NSD1: variants seen among roughly 807,000 people sequenced by gnomAD.
The protein encoded by NSD1 is nuclear receptor binding SET domain protein 1, also known as histone-lysine N-methyltransferase, H3 lysine-36 specific.
Under a neutral mutation model 242.7 loss-of-function variants are expected in NSD1, and 26 were observed. The observed-to-expected ratio is 0.11, with a 90% CI of 0.08 to 0.15. The LOEUF is 0.15. NSD1 is among the 10% of genes least tolerant of loss of function. The probability of loss-of-function intolerance (pLI) is 1.00; values close to 1 mark genes in which losing one functional copy is unlikely to be tolerated. For missense variants in NSD1, 2,495 were observed against 3,272.8 expected (o/e 0.76, Z 5.80); for synonymous variants, 1,106 against 1,178.1 (o/e 0.94, Z 1.25).
At chr5:177,254,602 G>A (rs886355748) in intron 12 of NSD1, among the ~76,000 whole-genome samples, 4 of 152,080 alleles carry the variant, frequency 2.6e-5, no homozygotes, top group African/African-American at 9.7e-5. Context: ...GTTTCACCAT[G>A]TTGGCCAGGC....
chr5:177,168,627 AT>A (rs1008810414), intron 2 of NSD1, among the ~76,000 whole-genome samples: 25 of 151,792 alleles, frequency 1.6e-4, no homozygotes, highest in African/African-American at 5.8e-4. Flanking sequence ...CGCCCAGCTC[AT>A]TTTTGTATTT....
intron 11 of NSD1, among the ~76,000 whole-genome samples, chr5:177,249,952 A>G (rs1035287583): frequency 5.3e-5 from 8 of 152,176 alleles, no homozygotes; most frequent in African/African-American, 1.9e-4. Context: ...CAGGCATGAC[A>G]GTTCGTGCCT....
intron 2 of NSD1, among the ~76,000 whole-genome samples, chr5:177,165,836 A>G (rs1159472180): frequency 2.6e-5 from 4 of 151,462 alleles, no homozygotes; most frequent in African/African-American, 9.7e-5. Flanking sequence ...GGCTCAAGCA[A>G]TCTTCTAGCC....
At chr5:177,140,896 T>C (rs1186995193) in intron 2 of NSD1, among the ~76,000 whole-genome samples, 2 of 152,156 alleles carry the variant, frequency 1.3e-5, no homozygotes, top group African/African-American at 4.8e-5. Context: ...GGTTCCTTCC[T>C]CTTCTCTACC....
In NSD1 at chr5:177,269,872, T is replaced by G; in HGVS notation, c.5509+65T>G. The G allele has an allele frequency of 7.1e-7, 1 of 1,401,074 alleles. No homozygotes were observed. The highest frequency in any genetic ancestry group is 9.9e-7 in the Non-Finnish European group (1 of 1,013,752). The allele number at this position is 1,401,074 out of a possible 1,614,324, so 86.8% of individuals were successfully genotyped here. On this transcript the variant is annotated intron_variant, in intron 16 of 22. Transcript: ENST00000439151. The surrounding 1 kb of genome is among the most constrained non-coding windows in gnomAD (Gnocchi z 5.1). The stretch of plus-strand genomic sequence containing the variant: ...TCTGTTACCTGAGTGTCTGATCTGT[T>G]TTAGAATTCACATATGCTCCATTTT...
chr5:177,134,984 A>G lies in NSD1; in HGVS notation c.-17-103A>G, dbSNP rs578134766. The G allele has an allele frequency of 1.0e-6, 1 of 989,782 alleles. No individual in the cohort carries two copies. Among genetic ancestry groups the G allele is most frequent in the African/African-American group, 1.6e-5 (1 of 62,158 alleles). The allele number at this position is 989,782 out of a possible 1,614,324, so 61.3% of individuals were successfully genotyped here. On this transcript the variant is annotated intron_variant, in intron 1 of 22. Transcript: ENST00000439151. This position sits in a 1 kb window ranked among gnomAD's most constrained non-coding sequence, Gnocchi z 4.2. ...CTTTTTCTGCCCATGGAAGTGCAGC[A>G]GAAAGGCATAGAGGCCACTAGGCCT...
At position 177,199,264 on chromosome 5, in the gene NSD1, A is replaced by AT. The variant is rs965995570; in HGVS notation, c.1064-4846dup. 1.0e-4 allele frequency among the ~76,000 whole-genome samples: 15 copies of AT among 149,392 alleles called. No homozygotes were observed. In the East Asian group the frequency reaches 1.4e-3, roughly 14 times the overall value. ...GTATTAAATGCATTTTCTAATTATT[A>AT]TTTTTTTTTTAGAGGCAGGGTCTTG... is the stretch of plus-strand genomic sequence containing the variant. On this transcript the variant is annotated intron_variant, in intron 3 of 22. Coordinates refer to ENST00000439151, the MANE Select transcript of NSD1 (RefSeq NM_022455.5).
At position 177,269,437 on chromosome 5, in the gene NSD1, C is replaced by T. The variant is rs1757782992; in HGVS notation, c.5304-165C>T. On this transcript the variant is annotated intron_variant, in intron 15 of 22. Coordinates refer to ENST00000439151, the MANE Select transcript of NSD1 (RefSeq NM_022455.5). The surrounding 1 kb of genome is among the most constrained non-coding windows in gnomAD (Gnocchi z 5.1). Reference sequence around the variant, plus strand: ...TGGGCAGATGTTTTCCAGCTTCTAGCACATACGACTTGTTTGTGTTCTAGT... The same window carrying T: ...TGGGCAGATGTTTTCCAGCTTCTAGTACATACGACTTGTTTGTGTTCTAGT... Among the ~76,000 whole-genome samples the T allele has an allele frequency of 6.6e-6, 1 of 152,172 alleles. No individual in the cohort carries two copies. Among genetic ancestry groups the T allele is most frequent in the African/African-American group, 2.4e-5 (1 of 41,438 alleles).
intron 2 of NSD1, among the ~76,000 whole-genome samples, chr5:177,159,183 C>T (rs532649608): frequency 1.3e-5 from 2 of 151,264 alleles, no homozygotes; most frequent in East Asian, 1.9e-4. Context: ...GCTGGGATTA[C>T]AGGCACTCGC....
chr5:177,193,724 A>G (rs1761882205), intron 3 of NSD1, among the ~76,000 whole-genome samples: 1 of 152,186 alleles, frequency 6.6e-6, no homozygotes, highest in Admixed American at 6.5e-5. Context: ...GATCCGCCAC[A>G]TTCTTCACTC....
chr5:177,251,035 C>G (rs1006550374), intron 11 of NSD1, among the ~76,000 whole-genome samples: 1 of 152,044 alleles, frequency 6.6e-6, no homozygotes, highest in Admixed American at 6.6e-5. Context: ...ACTAGAAATA[C>G]AAAAATTAGC....
chr5:177,298,119 A>T lies in NSD1; in HGVS notation c.*2660A>T. 1 of 232,488 alleles carries T rather than the reference A, an allele frequency of 4.3e-6. No individual in the cohort carries two copies. Among genetic ancestry groups the T allele is most frequent in the African/African-American group, 2.2e-5 (1 of 45,196 alleles). The allele number at this position is 232,488 out of a possible 1,614,324, so 14.4% of individuals were successfully genotyped here. On this transcript the variant is annotated 3_prime_UTR_variant, in exon 23 of 23. Coordinates refer to ENST00000439151, the MANE Select transcript of NSD1 (RefSeq NM_022455.5). The stretch of plus-strand genomic sequence containing the variant: ...GTCACAACAACTGTTGGGAAATGTG[A>T]CTCTTGGAGGAAGGTGGGGAGGGAG...
intron 2 of NSD1, among the ~76,000 whole-genome samples, chr5:177,185,360 G>A (rs1480341469): frequency 6.6e-6 from 1 of 151,942 alleles, no homozygotes; most frequent in African/African-American, 2.4e-5. Context: ...GCACTTGGGA[G>A]GCGGAGGCTG....
intron 2 of NSD1, among the ~76,000 whole-genome samples, chr5:177,151,482 G>A (rs558755112): frequency 4.6e-4 from 70 of 152,060 alleles, no homozygotes; most frequent in African/African-American, 1.4e-3. Flanking sequence ...TCTGCCTCCC[G>A]GGTTCAAGCG....
At chr5:177,251,960 G>A in intron 12 of NSD1, 107 bp downstream of exon 12, 1 of 1,375,012 alleles carries the variant, frequency 7.3e-7, no homozygotes, top group Non-Finnish European at 1.0e-6. Flanking sequence ...TGGGCTAGTT[G>A]TTACAGATAT....
intron 13 of NSD1, 81 bp downstream of exon 13, chr5:177,257,232 T>TC: frequency 4.3e-6 from 4 of 927,990 alleles, no homozygotes; most frequent in East Asian, 3.2e-5. Flanking sequence ...TTCTTTCTTT[T>TC]TTTTTTTTTT....
chr5:177,266,279 A>G, intron 14 of NSD1: 1 of 744,548 alleles, frequency 1.3e-6, no homozygotes, highest in Admixed American at 1.8e-5. Context: ...GATGGTCACC[A>G]AGTGGTCTAA....
At chr5:177,171,989 A>G (rs915250109) in intron 2 of NSD1, among the ~76,000 whole-genome samples, 1 of 152,254 alleles carries the variant, frequency 6.6e-6, no homozygotes. Context: ...GCTGGGTCAC[A>G]TGGTAATTCC....
At chr5:177,180,125 C>T (rs1458448376) in intron 2 of NSD1, among the ~76,000 whole-genome samples, 4 of 149,286 alleles carry the variant, frequency 2.7e-5, no homozygotes, top group East Asian at 2.0e-4. Flanking sequence ...GACAGAGTCT[C>T]GCTGTGTTGC....
Sources: gnomAD v4.1 joint callset for allele counts (sites outside exome capture counted in the v4.1 genomes callset) on GRCh38, gnomAD v4.1.1 for gene constraint, Gnocchi (gnomAD v3.1) non-coding constraint, MANE v1.5 for transcripts, NCBI Gene and HGNC (gene_info 2026-07-23, HGNC 2026-07-21) for gene names.